The following LAMB3 variants were observed in gnomAD, a reference collection of about 807,000 sequenced individuals.
LAMB3 encodes the protein laminin subunit beta-3.
In LAMB3, 104 loss-of-function variants were observed where a neutral mutation model predicts 140.3. The ratio of observed to expected loss-of-function variants is 0.74; its 90% confidence interval spans 0.63 to 0.87. The LOEUF is 0.87. Ranked by LOEUF, LAMB3 falls within the 40% of genes least tolerant of loss-of-function variation. The pLI is 0.00. For synonymous variants in LAMB3, 592 were observed against 602.9 expected, an observed-to-expected ratio of 0.98 and a Z score of 0.26; for missense variants, 1,531 against 1,575.2, an observed-to-expected ratio of 0.97 and a Z score of 0.47.
At position 209,634,530 on chromosome 1, in the gene LAMB3, G is replaced by A. The variant is rs1289411853; in HGVS notation, c.481C>T (p.Arg161Cys). Residue 161 changes from arginine to cysteine, a missense_variant, in exon 6 of 23, where the codon CGC becomes TGC. Arg to Cys is a radical substitution (Grantham distance 180). Coordinates refer to ENST00000356082, the MANE Select transcript of LAMB3 (RefSeq NM_000228.3). ...TGCCAGCTCTGAGGCCGACCCTGGCGGACCCGAGGGAAGGTGGAGGTGCAG... is the reference window on the plus strand; with the variant it reads ...TGCCAGCTCTGAGGCCGACCCTGGCAGACCCGAGGGAAGGTGGAGGTGCAG... ...ADCTSTFPRV[R>C]QGRPQSWQDV... 3.1e-6 allele frequency: 5 copies of A among 1,614,128 alleles called. No homozygotes were observed. The highest frequency in any genetic ancestry group is 4.2e-6 in the Non-Finnish European group (5 of 1,180,018).
intron 22 of LAMB3, 113 bp downstream of exon 22, chr1:209,616,358 T>C: frequency 2.5e-6 from 3 of 1,220,744 alleles, no homozygotes; most frequent in Non-Finnish European, 3.6e-6. Context: ...TCATTTGATC[T>C]CACTCCCATA....
At chr1:209,630,942 T>A (rs2102431300) in intron 8 of LAMB3, among the ~76,000 whole-genome samples, 1 of 152,346 alleles carries the variant, frequency 6.6e-6, no homozygotes, top group South Asian at 2.1e-4. Flanking sequence ...AGCATGTGTG[T>A]GTGTGCACGT....
In LAMB3 at chr1:209,627,389, G is replaced by A. The variant is rs1447665931; in HGVS notation, c.1479C>T (p.Cys493=). ...GACCACCCTCACTTCGTACCTGGTT[G>A]CACTGTGGGCTGAGGGAGTTGTGCG... ...CDPHNSLSPQ[C]NQFTGQCPCR... is the part of the protein sequence containing the mutation. Residue 493 remains cysteine, a synonymous_variant, in exon 12 of 23, where the codon TGC becomes TGT. Transcript: ENST00000356082. 1 of 1,612,820 alleles carries A rather than the reference G, an allele frequency of 6.2e-7. No homozygotes were observed. The highest frequency in any genetic ancestry group is 1.7e-4 in the Middle Eastern group (1 of 6,046).
chr1:209,617,002 G>C (rs1476523805), intron 21 of LAMB3, among the ~76,000 whole-genome samples: 1 of 152,168 alleles, frequency 6.6e-6, no homozygotes. Context: ...ACTGAGAATG[G>C]GCTCTTTGAT....
intron 3 of LAMB3, among the ~76,000 whole-genome samples, chr1:209,640,073 G>T (rs1051064123): frequency 6.6e-6 from 1 of 152,166 alleles, no homozygotes; most frequent in Non-Finnish European, 1.5e-5. Context: ...CAGGTGTCTT[G>T]GTTCCCTGGG....
chr1:209,631,108 T>C (rs1180845686), intron 8 of LAMB3, among the ~76,000 whole-genome samples: 1 of 152,200 alleles, frequency 6.6e-6, no homozygotes, highest in Non-Finnish European at 1.5e-5. Flanking sequence ...CCTCTGGAGA[T>C]TTCTATTCCA....
chr1:209,630,767 A>C (rs1379320196), intron 8 of LAMB3, 32 bp from the exon 9 acceptor site: 1 of 1,611,962 alleles, frequency 6.2e-7, no homozygotes, highest in Non-Finnish European at 8.5e-7. Flanking sequence ...ATCAGGAGTA[A>C]TCAACAAAGA....
rs1191874714 is a variant in LAMB3, at chr1:209,618,003, C to T, written c.2955G>A (p.Gly985=). 3 of 1,614,164 alleles carry T rather than the reference C, an allele frequency of 1.9e-6. No homozygotes were observed. The highest frequency in any genetic ancestry group is 2.2e-5 in the South Asian group (2 of 91,084). Residue 985 remains glycine, a synonymous_variant, in exon 20 of 23, where the codon GGG becomes GGA. Coordinates refer to ENST00000356082, the MANE Select transcript of LAMB3 (RefSeq NM_000228.3). Reference sequence around the variant, plus strand: ...GTGCCACTGTCCCCTGCCGCAGGTTCCCAACCACATCTTCCACCTGGCCCT... The same window carrying T: ...GTGCCACTGTCCCCTGCCGCAGGTTTCCAACCACATCTTCCACCTGGCCCT... ...AVEGQVEDVV[G]NLRQGTVALQ...
intron 10 of LAMB3, among the ~76,000 whole-genome samples, chr1:209,628,480 C>T (rs372904006): frequency 3.7e-4 from 57 of 152,054 alleles, no homozygotes; most frequent in African/African-American, 1.3e-3. Context: ...GGTGGATCAC[C>T]TGAGGTCAGG....
intron 4 of LAMB3, 65 bp downstream of exon 4, chr1:209,638,469 C>G (rs552202367): frequency 2.8e-6 from 3 of 1,064,142 alleles, no homozygotes; most frequent in Admixed American, 1.7e-5. Context: ...TTATAGGGCA[C>G]CTTCCATCCG....
rs1214860711 is a variant in LAMB3, at chr1:209,625,765, A to G, written c.1859T>C (p.Leu620Pro). ...CTTTGCATCTAGGATCCGGGAGGCCAGGCCACGGTCCTCCAGCCCAGGCCC... is the reference window on the plus strand; with the variant it reads ...CTTTGCATCTAGGATCCGGGAGGCCGGGCCACGGTCCTCCAGCCCAGGCCC... ...WSGPGLEDRG[L>P]ASRILDAKSK... The change falls in exon 14 of 23, where the codon CTG becomes CCG. Residue 620 changes from leucine to proline, a missense_variant. Transcript: ENST00000356082. 6.8e-6 allele frequency: 11 copies of G among 1,614,164 alleles called. No homozygotes were observed. Among genetic ancestry groups the G allele is most frequent in the Non-Finnish European group, 9.3e-6 (11 of 1,180,038 alleles).
intron 5 of LAMB3, among the ~76,000 whole-genome samples, chr1:209,637,137 G>T (rs995044689): frequency 3.3e-5 from 5 of 152,196 alleles, no homozygotes; most frequent in Non-Finnish European, 7.3e-5. Flanking sequence ...TTCAAACAAT[G>T]CTGGCATTTC....
chr1:209,617,359 G>A lies in LAMB3; in HGVS notation c.3228+51C>T, dbSNP rs576998262. 8 of 1,575,356 alleles carry A rather than the reference G, an allele frequency of 5.1e-6. No homozygotes were observed. The African/African-American group carries it at 1.1e-4, about 21-fold the overall frequency. ...AGTGTGCAAAGTCCTCCTCTGCTCA[G>A]GACCCCCTCACTGGCCGTACATCAT... On this transcript the variant is annotated intron_variant, in intron 21 of 22. Coordinates refer to ENST00000356082, the MANE Select transcript of LAMB3 (RefSeq NM_000228.3).
In LAMB3 at chr1:209,616,816, T is replaced by C. The variant is rs529665581; in HGVS notation, c.3229-192A>G. ...TGACTTAAACTTCTGTGTTTCCCTC[T>C]TCCCATCTCCAGCTCTTGACATGAC... is the stretch of plus-strand genomic sequence containing the variant. On this transcript the variant is annotated intron_variant, in intron 21 of 22. Coordinates refer to ENST00000356082, the MANE Select transcript of LAMB3 (RefSeq NM_000228.3). Among the ~76,000 whole-genome samples, 7 of 152,298 alleles carry C rather than the reference T, an allele frequency of 4.6e-5. No individual in the cohort carries two copies. The South Asian group carries it at 1.5e-3, about 32-fold the overall frequency.
At chr1:209,619,459 C>A (rs189687394) in intron 18 of LAMB3, among the ~76,000 whole-genome samples, 1 of 152,240 alleles carries the variant, frequency 6.6e-6, no homozygotes, top group Non-Finnish European at 1.5e-5. Context: ...GTTCAGATCT[C>A]TGCTTTACTA....
chr1:209,644,061 G>A lies in LAMB3; in HGVS notation c.184-5413C>T, dbSNP rs188875114. Among the ~76,000 whole-genome samples the A allele has an allele frequency of 4.6e-5, 7 of 152,284 alleles. No individual in the cohort carries two copies. The East Asian group carries it at 9.7e-4, about 21-fold the overall frequency. ...GGAGAAACACTTTTTCCAGCAATAT[G>A]GACAGGGAGAAGGAGATCCTTGAGG... On this transcript the variant is annotated intron_variant, in intron 3 of 22. Coordinates refer to ENST00000356082, the MANE Select transcript of LAMB3 (RefSeq NM_000228.3).
chr1:209,625,579 C>A, intron 14 of LAMB3, 69 bp downstream of exon 14: 1 of 1,579,810 alleles, frequency 6.3e-7, no homozygotes, highest in Non-Finnish European at 8.7e-7. Flanking sequence ...TAAGGAAGGA[C>A]CAGCATGCCC....
chr1:209,616,063 C>G (rs1293773980), intron 22 of LAMB3, among the ~76,000 whole-genome samples: 1 of 152,188 alleles, frequency 6.6e-6, no homozygotes, highest in African/African-American at 2.4e-5. Flanking sequence ...AGGCCCATCT[C>G]AAATCTTCTT....
chr1:209,618,548 A>G lies in LAMB3; in HGVS notation c.2813T>C (p.Ile938Thr), dbSNP rs775023132. Reference protein sequence around the residue: ...VLQKMNEIQAIAARLPNVDLV... With the variant: ...VLQKMNEIQATAARLPNVDLV... Reference sequence around the variant, plus strand: ...GTCCACGTTGGGGAGCCTGGCTGCAATGGCCTGGATCTCATTCATCTTCTG... The same window carrying G: ...GTCCACGTTGGGGAGCCTGGCTGCAGTGGCCTGGATCTCATTCATCTTCTG... The change falls in exon 19 of 23, where the codon ATT (isoleucine) becomes ACT (threonine). Residue 938 changes from isoleucine to threonine, a missense_variant. Coordinates refer to ENST00000356082, the MANE Select transcript of LAMB3 (RefSeq NM_000228.3). The G allele has an allele frequency of 6.2e-6, 10 of 1,614,114 alleles. No homozygotes were observed. Among genetic ancestry groups the G allele is most frequent in the African/African-American group, 1.3e-5 (1 of 74,932 alleles).
Sources: gnomAD v4.1 joint callset for allele counts (sites outside exome capture counted in the v4.1 genomes callset) on GRCh38, gnomAD v4.1.1 for gene constraint, MANE v1.5 for transcripts, NCBI Gene and HGNC (gene_info 2026-07-23, HGNC 2026-07-21) for gene names.